Variants in MLLT3 observed in about 807,000 individuals in gnomAD.
MLLT3 encodes the protein protein AF-9.
A neutral mutation model predicts 53.2 loss-of-function variants in MLLT3; 4 were observed. The ratio of observed to expected loss-of-function variants is 0.08; its 90% CI spans 0.04 to 0.17. MLLT3 has a LOEUF of 0.17. MLLT3 is among the 10% of genes least tolerant of loss of function. The pLI, the probability that MLLT3 is intolerant of heterozygous loss-of-function variation, is 1.00. For synonymous variants in MLLT3, 283 were observed against 230.6 expected, an observed-to-expected ratio of 1.23 and a Z score of -2.06; for missense variants, 569 against 684.0, an observed-to-expected ratio of 0.83 and a Z score of 1.87.
At chr9:20,357,979 G>GCACACACACA (rs1491136011) in intron 8 of MLLT3, among the ~76,000 whole-genome samples, 6,156 of 137,668 alleles carry the variant, frequency 0.045, 406 homozygotes, top group African/African-American at 0.14. Flanking sequence ...CCTCCCTCCT[G>GCACACACACA]CGCACACACA....
chr9:20,580,143 A>C (rs187344716), intron 2 of MLLT3, among the ~76,000 whole-genome samples: 172 of 152,330 alleles, frequency 1.1e-3, no homozygotes, highest in African/African-American at 3.7e-3. Flanking sequence ...TCACACAGGC[A>C]CAACCCCAGC....
intron 5 of MLLT3, among the ~76,000 whole-genome samples, chr9:20,393,838 A>G (rs1055014834): frequency 6.6e-6 from 1 of 152,202 alleles, no homozygotes; most frequent in Non-Finnish European, 1.5e-5. Flanking sequence ...TAACAAGAGA[A>G]AGTGATAACT....
At chr9:20,533,268 C>A in intron 2 of MLLT3, 1 of 322,404 alleles carries the variant, frequency 3.1e-6, no homozygotes, top group South Asian at 3.3e-5. Context: ...GTCACTGGGT[C>A]CCTAGACTGT....
chr9:20,404,389 CATT>C (rs1287062518), intron 5 of MLLT3, among the ~76,000 whole-genome samples: 3 of 152,212 alleles, frequency 2.0e-5, no homozygotes, highest in Admixed American at 2.0e-4. Context: ...TCTATGACAT[CATT>C]AATATTTTGC....
At chr9:20,550,261 G>C (rs1386673763) in intron 2 of MLLT3, among the ~76,000 whole-genome samples, 1 of 152,098 alleles carries the variant, frequency 6.6e-6, no homozygotes, top group Non-Finnish European at 1.5e-5. Flanking sequence ...AATAATGACA[G>C]AAGCACCCAA....
At chr9:20,410,231 G>C (rs1248586671) in intron 5 of MLLT3, among the ~76,000 whole-genome samples, 2 of 152,058 alleles carry the variant, frequency 1.3e-5, no homozygotes, top group African/African-American at 4.8e-5. Context: ...GGACACCAGA[G>C]TTCTGCAAGA....
chr9:20,598,800 G>C (rs1820340421), intron 2 of MLLT3, among the ~76,000 whole-genome samples: 2 of 152,190 alleles, frequency 1.3e-5, no homozygotes, highest in African/African-American at 4.8e-5. Context: ...AGAAAACCTG[G>C]TGGCAATGCT....
At chr9:20,445,461 T>C (rs929242434) in intron 4 of MLLT3, among the ~76,000 whole-genome samples, 6 of 152,164 alleles carry the variant, frequency 3.9e-5, no homozygotes, top group Admixed American at 3.3e-4. Context: ...AAAAAAGTTG[T>C]TATAGGCTTA....
chr9:20,349,443 G>GC (rs1381265103), intron 10 of MLLT3, among the ~76,000 whole-genome samples: 7 of 151,170 alleles, frequency 4.6e-5, no homozygotes, highest in Non-Finnish European at 7.4e-5. Flanking sequence ...TTTTCCTCTC[G>GC]CCCCCAATGA....
At chr9:20,521,476 G>A (rs1397993227) in intron 2 of MLLT3, among the ~76,000 whole-genome samples, 2 of 152,058 alleles carry the variant, frequency 1.3e-5, no homozygotes, top group Non-Finnish European at 2.9e-5. Context: ...GTGTGTGTGT[G>A]TGTGTGTGTA....
At position 20,429,214 on chromosome 9, in the gene MLLT3, A is replaced by C. The variant is rs1823206670; in HGVS notation, c.421-14789T>G. On this transcript the variant is annotated intron_variant, in intron 4 of 10. Coordinates refer to ENST00000380338, the MANE Select transcript of MLLT3 (RefSeq NM_004529.4). ...AAGACCCCACTGCTAAAAAAGATTT[A>C]AAAATTAGCCAGGCATGGTGGCACA... Among the ~76,000 whole-genome samples the C allele has an allele frequency of 3.3e-5, 5 of 152,146 alleles. No individual in the cohort carries two copies. The South Asian group carries it at 1.0e-3, about 32-fold the overall frequency.
chr9:20,601,829 C>T (rs989126355), intron 2 of MLLT3, among the ~76,000 whole-genome samples: 3 of 152,006 alleles, frequency 2.0e-5, no homozygotes, highest in Non-Finnish European at 2.9e-5. Context: ...ATAAATAGCA[C>T]CAAATTGTCA....
chr9:20,509,959 TG>T (rs1825487482), intron 2 of MLLT3, among the ~76,000 whole-genome samples: 1 of 152,018 alleles, frequency 6.6e-6, no homozygotes, highest in South Asian at 2.1e-4. Flanking sequence ...TTCATAAAGA[TG>T]AGAATATCAA....
At chr9:20,560,902 T>C (rs1443249987) in intron 2 of MLLT3, among the ~76,000 whole-genome samples, 2 of 152,168 alleles carry the variant, frequency 1.3e-5, no homozygotes, top group Non-Finnish European at 2.9e-5. Context: ...ATGCTTATCA[T>C]TTCTACGTAT....
chr9:20,607,881 G>A (rs1031226597), intron 2 of MLLT3, among the ~76,000 whole-genome samples: 1 of 151,852 alleles, frequency 6.6e-6, no homozygotes, highest in Non-Finnish European at 1.5e-5. Context: ...TATGCTTAAG[G>A]AATATTCATA....
chr9:20,512,155 A>G (rs927751121), intron 2 of MLLT3, among the ~76,000 whole-genome samples: 3 of 152,238 alleles, frequency 2.0e-5, no homozygotes, highest in Non-Finnish European at 4.4e-5. Context: ...CTCATTCTTG[A>G]TATGCCTCCA....
intron 2 of MLLT3, among the ~76,000 whole-genome samples, chr9:20,611,936 T>C (rs1820714235): frequency 1.3e-5 from 2 of 152,242 alleles, no homozygotes; most frequent in South Asian, 4.1e-4. Context: ...CAGCAACAAT[T>C]TTTTCTAATG....
intron 10 of MLLT3, among the ~76,000 whole-genome samples, chr9:20,352,871 TA>T (rs1211035762): frequency 6.6e-6 from 1 of 151,546 alleles, no homozygotes; most frequent in African/African-American, 2.4e-5. Flanking sequence ...CTTTGGGTGT[TA>T]AAAAAAATTA....
At chr9:20,613,132 G>A (rs1047623918) in intron 2 of MLLT3, among the ~76,000 whole-genome samples, 3 of 152,144 alleles carry the variant, frequency 2.0e-5, no homozygotes, top group African/African-American at 7.2e-5. Flanking sequence ...AATGTGGACA[G>A]GTTCAGAAAC....
Sources: gnomAD v4.1 joint callset for allele counts (sites outside exome capture counted in the v4.1 genomes callset) on GRCh38, gnomAD v4.1.1 for gene constraint, MANE v1.5 for transcripts, NCBI Gene and HGNC (gene_info 2026-07-23, HGNC 2026-07-21) for gene names.